Variants in GIT1 observed in about 807,000 individuals in gnomAD.
The protein encoded by GIT1 is ARF GTPase-activating protein GIT1.
A neutral mutation model predicts 91.7 loss-of-function variants in GIT1; 14 were observed. That is an observed-to-expected ratio of 0.15 (90% CI 0.10 to 0.24). The LOEUF is 0.24. GIT1 is among the 10% of genes least tolerant of loss of function. GIT1 has a pLI of 1.00. For missense variants in GIT1, 717 were observed against 1,024.9 expected, an observed-to-expected ratio of 0.70 and a Z score of 4.10; for synonymous variants, 414 against 418.2, an observed-to-expected ratio of 0.99 and a Z score of 0.12.
chr17:29,575,291 T>C lies in GIT1; in HGVS notation c.2006A>G (p.Asp669Gly). 4 of 1,611,088 alleles carry C rather than the reference T, an allele frequency of 2.5e-6. No homozygotes were observed. The highest frequency in any genetic ancestry group is 3.4e-6 in the Non-Finnish European group (4 of 1,178,776). ...LLRAAQEFKH[D>G]SFVPCSEKIH... The stretch of plus-strand genomic sequence containing the variant: ...CACCTCCCCCTCCACTCAGTACCTG[T>C]CATGCTTGAACTCCTGGGCTGCCCG... Residue 669 changes from aspartate to glycine, a missense_variant, in exon 18 of 20, where the codon GAC becomes GGC. Asp to Gly is a moderately conservative substitution (Grantham distance 94). Transcript: ENST00000225394. The surrounding 1 kb of genome is among the most constrained non-coding windows in gnomAD (Gnocchi z 5.5).
chr17:29,589,367 CT>C lies in GIT1; in HGVS notation c.11del (p.Lys4ArgfsTer184). ...CCGCACACACCTCCGCTCGCGGCCC[CT>C]TTCGGGACATCCTCAGCGGCGACGC... MSR[K>X]GPRAEVCADC... On this transcript the variant is annotated frameshift_variant, in exon 1 of 20. Coordinates refer to ENST00000225394, the MANE Select transcript of GIT1 (RefSeq NM_014030.4). LOFTEE classifies it high-confidence loss of function. The surrounding 1 kb of genome is among the most constrained non-coding windows in gnomAD (Gnocchi z 5.2). The C allele has an allele frequency of 2.8e-6, 3 of 1,083,096 alleles. No individual in the cohort carries two copies. The highest frequency in any genetic ancestry group is 3.8e-5 in the Admixed American group (1 of 26,462). The allele number at this position is 1,083,096 out of a possible 1,614,324, so 67.1% of individuals were successfully genotyped here.
rs866501754 is a variant in GIT1 at position 29,575,689 on chromosome 17, G to A, written c.1767C>T (p.Arg589=). ...EGSRHTSKLS[R]HGSGADSDYE... ...AGTCACTGTCGGCTCCACTGCCGTG[G>A]CGGGAAAGCTTGCTCTGGAGGGCGG... Residue 589 remains arginine, a synonymous_variant, in exon 17 of 20, where the codon CGC becomes CGT. Transcript: ENST00000225394. This position sits in a 1 kb window ranked among gnomAD's most constrained non-coding sequence, Gnocchi z 5.5. 6.2e-7 allele frequency: 1 copy of A among 1,612,494 alleles called. No individual in the cohort carries two copies. The highest frequency in any genetic ancestry group is 8.5e-7 in the Non-Finnish European group (1 of 1,179,970).
At chr17:29,582,880 C>T (rs1598575640) in intron 3 of GIT1, 45 bp downstream of exon 3, 1 of 1,556,836 alleles carries the variant, frequency 6.4e-7, no homozygotes, top group East Asian at 2.2e-5. Flanking sequence ...GGGCCCTGTC[C>T]CGGACTGCGC....
chr17:29,581,680 G>T lies in GIT1; in HGVS notation c.718+62C>A. 2 of 1,345,030 alleles carry T rather than the reference G, an allele frequency of 1.5e-6. No homozygotes were observed. Among genetic ancestry groups the T allele is most frequent in the Non-Finnish European group, 2.1e-6 (2 of 948,860 alleles). The allele number at this position is 1,345,030 out of a possible 1,614,324, so 83.3% of individuals were successfully genotyped here. ...GGCACCTGCTGCCGGGTGCGTCCAG[G>T]TCCCACCTGCCCAGCCCCAGCCAGG... On this transcript the variant is annotated intron_variant, in intron 6 of 19. Transcript: ENST00000225394. The surrounding 1 kb of genome is among the most constrained non-coding windows in gnomAD (Gnocchi z 4.8).
chr17:29,575,804 A>AACATTAC lies in GIT1; in HGVS notation c.1752+1_1752+7dup, dbSNP rs780353306. On this transcript the variant is annotated splice_region_variant and intron_variant, in intron 16 of 19. Transcript: ENST00000225394. This position sits in a 1 kb window ranked among gnomAD's most constrained non-coding sequence, Gnocchi z 5.5. ...CCACCCTGTGGGCACTGGGCATGGA[A>AACATTAC]ACATTACCGTGTGGCGGCTTCCCTC... is the stretch of plus-strand genomic sequence containing the variant. 6.2e-7 allele frequency: 1 copy of AACATTAC among 1,613,290 alleles called. No individual in the cohort carries two copies. The highest frequency in any genetic ancestry group is 1.1e-5 in the South Asian group (1 of 91,008).
chr17:29,585,631 C>T (rs1318110666), intron 1 of GIT1, among the ~76,000 whole-genome samples: 1 of 152,180 alleles, frequency 6.6e-6, no homozygotes, highest in South Asian at 2.1e-4. Flanking sequence ...CTGTCCTGGT[C>T]TGGGCAGCCG....
chr17:29,576,126 T>C lies in GIT1; in HGVS notation c.1617A>G (p.Leu539=), dbSNP rs776712098. Residue 539 remains leucine, a synonymous_variant, in exon 15 of 20, where the codon CTA becomes CTG. Transcript: ENST00000225394. Reference sequence around the variant, plus strand: ...GCACTGAATAGATGGCGTCGTCCTCTAGCTCCTGGGGATGTTAGCACAGCG... The same window carrying C: ...GCACTGAATAGATGGCGTCGTCCTCCAGCTCCTGGGGATGTTAGCACAGCG... The part of the protein sequence containing the change: ...TRLQPFHSTE[L]EDDAIYSVHV... The C allele has an allele frequency of 6.2e-7, 1 of 1,613,646 alleles. No homozygotes were observed. The highest frequency in any genetic ancestry group is 1.3e-5 in the African/African-American group (1 of 74,916).
chr17:29,579,319 A>G, intron 7 of GIT1: 1 of 403,100 alleles, frequency 2.5e-6, no homozygotes. Context: ...CCCTCCTTCT[A>G]GTTTTGTCCC....
chr17:29,574,987 T>C (rs932569399), intron 19 of GIT1, 73 bp from the exon 20 acceptor site: 2 of 1,485,564 alleles, frequency 1.3e-6, no homozygotes, highest in Non-Finnish European at 1.8e-6. Context: ...AGTTTGTCTG[T>C]GTCTCCACCC....
rs1300569745 is a variant in GIT1 at position 29,574,422 on chromosome 17, AGTGATGCCTT to A, written c.*270_*279del. 2.1e-6 allele frequency: 1 copy of A among 477,164 alleles called. No homozygotes were observed. Among genetic ancestry groups the A allele is most frequent in the Non-Finnish European group, 3.8e-6 (1 of 261,054 alleles). The allele number at this position is 477,164 out of a possible 1,614,324, so 29.6% of individuals were successfully genotyped here. A position where few individuals can be genotyped will look rare whatever the true frequency, so the allele number is the denominator to read the frequency against. On this transcript the variant is annotated 3_prime_UTR_variant, in exon 20 of 20. Coordinates refer to ENST00000225394, the MANE Select transcript of GIT1 (RefSeq NM_014030.4). ...GTGCCCTAGAAGGCGAGGGGCTGGG[AGTGATGCCTT>A]GCAGGCCCCTGCTCACTAGGAGGGG...
intron 11 of GIT1, 35 bp downstream of exon 11, chr17:29,577,101 C>T (rs1006570954): frequency 2.4e-5 from 38 of 1,608,422 alleles, no homozygotes; most frequent in Non-Finnish European, 3.1e-5. Context: ...TGGAGCCCCG[C>T]CTGCTTCCCA....
rs2033065626 is a variant in GIT1 at position 29,573,561 on chromosome 17, CAGGGAAG to C, written c.*1134_*1140del. 1 of 152,592 alleles carries C rather than the reference CAGGGAAG, an allele frequency of 6.6e-6. No individual in the cohort carries two copies. The highest frequency in any genetic ancestry group is 2.4e-5 in the African/African-American group (1 of 41,464). The allele number at this position is 152,592 out of a possible 1,614,324, so 9.5% of individuals were successfully genotyped here. On this transcript the variant is annotated 3_prime_UTR_variant, in exon 20 of 20. Transcript: ENST00000225394. ...CACCACACAGGTAGGGCCTGGCCCC[CAGGGAAG>C]AAGCGGGATGGGGAGAGAGCTGGTG...
At position 29,581,373 on chromosome 17, in the gene GIT1, C is replaced by A. The variant is rs2033389831; in HGVS notation, c.726G>T (p.Lys242Asn). 3.1e-6 allele frequency: 5 copies of A among 1,612,330 alleles called. No individual in the cohort carries two copies. The East Asian group carries it at 1.1e-4, about 36-fold the overall frequency. ...FYLCGRKPDH[K>N]NGHYIIPQMA... ...TCTGTGGGATGATGTAATGCCCATT[C>A]TTGTGATCTGAACAAAAATAAAAAT... is the stretch of plus-strand genomic sequence containing the variant. Residue 242 changes from lysine (K) to asparagine (N), a missense_variant, in exon 7 of 20, where the codon AAG (lysine) becomes AAT (asparagine). Around this residue, in one of 3 missense-constraint regions of GIT1, gnomAD observed 271 missense variants for 451.6 expected, o/e 0.60. Coordinates refer to ENST00000225394, the MANE Select transcript of GIT1 (RefSeq NM_014030.4). The surrounding 1 kb of genome is among the most constrained non-coding windows in gnomAD (Gnocchi z 4.8).
Position 29,582,927 on chromosome 17 carries a change from G to T in GIT1, c.297C>A (p.Val99=), listed in dbSNP as rs367865891. The change falls in exon 3 of 20, where the codon GTC becomes GTA. Residue 99 remains valine (V), a splice_region_variant and synonymous_variant. Coordinates refer to ENST00000225394, the MANE Select transcript of GIT1 (RefSeq NM_014030.4). ...ACCACCCCTCCAGCCCCACTCACTG[G>T]ACTTTGTCTTGGGGGTTGGCTTTAC... The part of the protein sequence containing the change: ...GRRKANPQDK[V]HPIKSEFIRA... The T allele has an allele frequency of 4.4e-6, 7 of 1,605,762 alleles. No individual in the cohort carries two copies. The highest frequency in any genetic ancestry group is 6.0e-6 in the Non-Finnish European group (7 of 1,173,672).
chr17:29,576,854 G>T lies in GIT1; in HGVS notation c.1227+9C>A. The T allele has an allele frequency of 1.9e-6, 3 of 1,576,438 alleles. No homozygotes were observed. The highest frequency in any genetic ancestry group is 1.1e-5 in the South Asian group (1 of 87,274). Reference sequence around the variant, plus strand: ...CACAGGGGAGTGGGAAGGAGGGTGGGACTCAGACCCGGGCCCGGTTGCTCC... The same window carrying T: ...CACAGGGGAGTGGGAAGGAGGGTGGTACTCAGACCCGGGCCCGGTTGCTCC... On this transcript the variant is annotated intron_variant, in intron 12 of 19. Transcript: ENST00000225394.
Position 29,581,485 on chromosome 17 carries a change from G to T in GIT1, c.719-105C>A. 1.1e-6 allele frequency: 1 copy of T among 938,160 alleles called. No individual in the cohort carries two copies. 58.1% of individuals were successfully genotyped at this position (938,160 alleles called of 1,614,324 possible). ...GCAGGGCTGGCACCCAGAAGTGTCAGGGGAAAGTGGGGAGGGCAGGCCACC... is the reference window on the plus strand; with the variant it reads ...GCAGGGCTGGCACCCAGAAGTGTCATGGGAAAGTGGGGAGGGCAGGCCACC... On this transcript the variant is annotated intron_variant, in intron 6 of 19. Transcript: ENST00000225394. The surrounding 1 kb of genome is among the most constrained non-coding windows in gnomAD (Gnocchi z 4.8).
In GIT1 at chr17:29,583,528, A is replaced by C. The variant is rs745617143; in HGVS notation, c.141T>G (p.Ile47Met). The change falls in exon 2 of 20, where the codon ATT (isoleucine) becomes ATG (methionine). Residue 47 changes from isoleucine to methionine, a missense_variant. Physicochemically the swap from Ile to Met is conservative, Grantham distance 10 (BLOSUM62 1). Transcript: ENST00000225394. Reference protein sequence around the residue: ...VHRSLGRHISIVKHLRHSAWP... With the variant: ...VHRSLGRHISMVKHLRHSAWP... ...AGGCGCTGTGGCGAAGGTGCTTGAC[A>C]ATGGAGATGTGGCGTCCCAGGCTCC... 6.2e-7 allele frequency: 1 copy of C among 1,612,584 alleles called. No homozygotes were observed. The highest frequency in any genetic ancestry group is 8.5e-7 in the Non-Finnish European group (1 of 1,179,944).
At position 29,581,505 on chromosome 17, in the gene GIT1, G is replaced by C. The variant is rs2033394471; in HGVS notation, c.719-125C>G. The C allele has an allele frequency of 2.4e-6, 2 of 821,066 alleles. No homozygotes were observed. Among genetic ancestry groups the C allele is most frequent in the Non-Finnish European group, 4.2e-6 (2 of 481,338 alleles). The allele number at this position is 821,066 out of a possible 1,614,324, so 50.9% of individuals were successfully genotyped here. On this transcript the variant is annotated intron_variant, in intron 6 of 19. Coordinates refer to ENST00000225394, the MANE Select transcript of GIT1 (RefSeq NM_014030.4). This position sits in a 1 kb window ranked among gnomAD's most constrained non-coding sequence, Gnocchi z 4.8. ...TGTCAGGGGAAAGTGGGGAGGGCAGGCCACCCCCAAGAATGCTGGGAGCTC... is the reference window on the plus strand; with the variant it reads ...TGTCAGGGGAAAGTGGGGAGGGCAGCCCACCCCCAAGAATGCTGGGAGCTC...
Position 29,574,035 on chromosome 17 carries a change from C to CG in GIT1, c.*666dup, listed in dbSNP as rs1365288441. The CG allele has an allele frequency of 1.3e-5, 2 of 152,352 alleles. No homozygotes were observed. The highest frequency in any genetic ancestry group is 4.8e-5 in the African/African-American group (2 of 41,360). 9.4% of individuals were successfully genotyped at this position (152,352 alleles called of 1,614,324 possible). A position where few individuals can be genotyped will look rare whatever the true frequency, so the allele number is the denominator to read the frequency against. On this transcript the variant is annotated 3_prime_UTR_variant, in exon 20 of 20. Transcript: ENST00000225394. ...CAAAACTCCAGATGGACCAGGCCTC[C>CG]GGAACGGCACTGCCGCCCACACACT...
Sources: gnomAD v4.1 joint callset for allele counts (sites outside exome capture counted in the v4.1 genomes callset) on GRCh38, gnomAD v4.1.1 for gene constraint, gnomAD v4.1.1 regional missense constraint, Gnocchi (gnomAD v3.1) non-coding constraint, MANE v1.5 for transcripts, NCBI Gene and HGNC (gene_info 2026-07-23, HGNC 2026-07-21) for gene names.